Variants in NOL10 observed in about 807,000 individuals in gnomAD.
NOL10 encodes H_NH0074G24.1.
NOL10 carries 58 observed loss-of-function variants against 103.5 expected under a neutral mutation model. The observed-to-expected ratio is 0.56, with a 90% CI of 0.45 to 0.70. The LOEUF is 0.70. NOL10 is among the 30% of genes least tolerant of loss of function. The pLI is 0.00. For synonymous variants in NOL10, 287 were observed against 282.5 expected (o/e 1.02, Z -0.16); for missense variants, 763 against 807.3 (o/e 0.95, Z 0.67).
chr2:10,580,151 C>T (rs1192666691), intron 19 of NOL10, among the ~76,000 whole-genome samples: 1 of 152,212 alleles, frequency 6.6e-6, no homozygotes, highest in Non-Finnish European at 1.5e-5. Context: ...TTTGCTAACC[C>T]AGCAGTTCCA....
intron 1 of NOL10, among the ~76,000 whole-genome samples, chr2:10,686,877 T>C (rs1403746070): frequency 1.5e-5 from 2 of 137,358 alleles, no homozygotes; most frequent in African/African-American, 5.0e-5. Context: ...TGTTCTACTT[T>C]GGACAAGTTA....
rs371829846 is a variant in NOL10, at chr2:10,659,348, G to T, written c.678-98C>A. 1,291 of 484,306 alleles carry T rather than the reference G, an allele frequency of 2.7e-3. 84 individuals carry two copies. The highest frequency in any genetic ancestry group is 0.023 in the African/African-American group (1,078 of 47,618). 30.0% of individuals were successfully genotyped at this position (484,306 alleles called of 1,614,324 possible). A position where few individuals can be genotyped will look rare whatever the true frequency, so the allele number is the denominator to read the frequency against. Reference sequence around the variant, plus strand: ...TCTTCACTTCAAATCTAATGGGGGGGGGGGGGAGGAATCACATTTCTAGGC... The same window carrying T: ...TCTTCACTTCAAATCTAATGGGGGGTGGGGGGAGGAATCACATTTCTAGGC... On this transcript the variant is annotated intron_variant, in intron 9 of 20. Coordinates refer to ENST00000381685, the MANE Select transcript of NOL10 (RefSeq NM_024894.4).
chr2:10,686,812 T>C (rs538119352), intron 1 of NOL10, among the ~76,000 whole-genome samples: 73 of 143,024 alleles, frequency 5.1e-4, no homozygotes, highest in African/African-American at 1.8e-3. Flanking sequence ...TGCCACTGGC[T>C]GAGGGAGGGA....
At chr2:10,644,459 G>C (rs917835228) in intron 12 of NOL10, 87 bp from the exon 13 acceptor site, 3 of 922,964 alleles carry the variant, frequency 3.3e-6, no homozygotes, top group Non-Finnish European at 4.8e-6. Flanking sequence ...AATGCCTGAG[G>C]AACTTCTGTT....
chr2:10,618,662 T>C (rs1676969224), intron 13 of NOL10, among the ~76,000 whole-genome samples: 1 of 152,184 alleles, frequency 6.6e-6, no homozygotes, highest in Admixed American at 6.5e-5. Flanking sequence ...TGGGGACTAT[T>C]TGCCAGGAGC....
chr2:10,654,736 TTA>T (rs1679709812), intron 11 of NOL10, among the ~76,000 whole-genome samples, 189 bp from the exon 12 acceptor site: 1 of 152,104 alleles, frequency 6.6e-6, no homozygotes, highest in Admixed American at 6.6e-5. Context: ...AAATCCCATT[TTA>T]TAGATGAAGA....
At chr2:10,645,214 A>G (rs943380591) in intron 12 of NOL10, among the ~76,000 whole-genome samples, 1 of 152,240 alleles carries the variant, frequency 6.6e-6, no homozygotes, top group Non-Finnish European at 1.5e-5. Context: ...TTAAAGCTAA[A>G]GTCAAACTCA....
At chr2:10,606,106 C>A (rs1423919396) in intron 14 of NOL10, among the ~76,000 whole-genome samples, 1 of 152,116 alleles carries the variant, frequency 6.6e-6, no homozygotes, top group Non-Finnish European at 1.5e-5. Context: ...GAGGGCTAGG[C>A]AAGCAGGCGC....
At chr2:10,642,022 G>A (rs560512359) in intron 13 of NOL10, among the ~76,000 whole-genome samples, 1 of 152,310 alleles carries the variant, frequency 6.6e-6, no homozygotes, top group East Asian at 1.9e-4. Context: ...TGTTGCTGTA[G>A]TGATCAAAAT....
intron 17 of NOL10, among the ~76,000 whole-genome samples, chr2:10,591,879 TG>T (rs1338870575): frequency 1.3e-5 from 2 of 152,154 alleles, no homozygotes; most frequent in Non-Finnish European, 1.5e-5. Context: ...GGTGCATGCC[TG>T]TAGTCCCAGC....
intron 9 of NOL10, among the ~76,000 whole-genome samples, chr2:10,662,132 C>A (rs777138804): frequency 6.6e-6 from 1 of 152,066 alleles, no homozygotes; most frequent in African/African-American, 2.4e-5. Context: ...ATGCCATTGA[C>A]GAATATTTTT....
intron 9 of NOL10, among the ~76,000 whole-genome samples, chr2:10,659,765 T>C (rs1378202067): frequency 6.6e-6 from 1 of 152,136 alleles, no homozygotes; most frequent in Non-Finnish European, 1.5e-5. Flanking sequence ...CAAAACGTAA[T>C]CTACTTTCTT....
intron 8 of NOL10, among the ~76,000 whole-genome samples, chr2:10,665,196 CTA>C (rs1433328511): frequency 6.6e-6 from 1 of 152,108 alleles, no homozygotes; most frequent in East Asian, 1.9e-4. Flanking sequence ...GTCTAGTCTT[CTA>C]TGTCTTCTCA....
chr2:10,663,091 G>A (rs752308842), intron 8 of NOL10, 47 bp from the exon 9 acceptor site: 1 of 1,501,516 alleles, frequency 6.7e-7, no homozygotes, highest in East Asian at 2.3e-5. Context: ...AGAAGGCGGG[G>A]CATGGTGGCT....
rs556372336 is a variant in NOL10 at position 10,642,483 on chromosome 2, C to A, written c.1026+1837G>T. Among the ~76,000 whole-genome samples the A allele has an allele frequency of 5.3e-5, 8 of 152,230 alleles. No individual in the cohort carries two copies. The South Asian group carries it at 1.7e-3, about 32-fold the overall frequency. ...GAACACAGGTCTGATCCTATCCCCC[C>A]GCTTACAACTCTTGTCAGGACTCCC... On this transcript the variant is annotated intron_variant, in intron 13 of 20. Transcript: ENST00000381685.
intron 2 of NOL10, among the ~76,000 whole-genome samples, chr2:10,682,597 G>C (rs994891468): frequency 1.3e-5 from 2 of 151,614 alleles, no homozygotes; most frequent in African/African-American, 2.4e-5. Context: ...ATGGGGTTTC[G>C]CCACGTTGCC....
chr2:10,587,158 CACATATATACACAT>C (rs1675119297), intron 19 of NOL10, among the ~76,000 whole-genome samples: 1 of 33,206 alleles, frequency 3.0e-5, no homozygotes, highest in African/African-American at 1.8e-4. Context: ...TACATATATA[CACATATATACACAT>C]ATATATACAC....
At chr2:10,583,130 C>T (rs1255134620) in intron 19 of NOL10, among the ~76,000 whole-genome samples, 5 of 152,180 alleles carry the variant, frequency 3.3e-5, no homozygotes, top group Non-Finnish European at 7.3e-5. Context: ...TCCAGTTTTC[C>T]TCTCAGCTTG....
At chr2:10,640,127 T>C (rs1228630105) in intron 13 of NOL10, among the ~76,000 whole-genome samples, 3 of 152,230 alleles carry the variant, frequency 2.0e-5, no homozygotes, top group Non-Finnish European at 4.4e-5. Flanking sequence ...AAGATGTTAA[T>C]ACAAATCACA....
Sources: allele counts gnomAD v4.1 joint callset (sites outside exome capture counted in the v4.1 genomes callset), GRCh38; gene constraint gnomAD v4.1.1; transcripts MANE v1.5; gene names NCBI Gene and HGNC (gene_info 2026-07-23, HGNC 2026-07-21).